MGAT4C: variants seen among roughly 807,000 people sequenced by gnomAD.
MGAT4C encodes the protein alpha-1,3-mannosyl-glycoprotein 4-beta-N-acetylglucosaminyltransferase C.
MGAT4C carries 19 observed loss-of-function variants against 40.1 expected under a neutral mutation model. That is an observed-to-expected ratio of 0.47 (90% CI 0.33 to 0.70). The LOEUF is 0.70. Ranked by LOEUF, MGAT4C falls within the 30% of genes least tolerant of loss-of-function variation. The pLI, the probability that MGAT4C is intolerant of heterozygous loss-of-function variation, is 0.02. For missense variants in MGAT4C, 491 were observed against 563.2 expected (o/e 0.87, Z 1.30); for synonymous variants, 181 against 187.1 (o/e 0.97, Z 0.27).
intron 4 of MGAT4C, among the ~76,000 whole-genome samples, chr12:86,291,158 T>C (rs955688538): frequency 6.6e-6 from 1 of 152,096 alleles, no homozygotes; most frequent in African/African-American, 2.4e-5. Context: ...TGAAACATAG[T>C]TGAGAATAAT....
chr12:86,554,183 TTTCTG>T (rs376833945), intron 2 of MGAT4C, among the ~76,000 whole-genome samples: 2 of 151,862 alleles, frequency 1.3e-5, no homozygotes, highest in African/African-American at 4.8e-5. Flanking sequence ...CTCATGTCCC[TTTCTG>T]TTAAGTATTT....
At chr12:86,232,704 G>C (rs1951375476) in intron 1 of MGAT4C, among the ~76,000 whole-genome samples, 1 of 152,200 alleles carries the variant, frequency 6.6e-6, no homozygotes, top group African/African-American at 2.4e-5. Flanking sequence ...GCCAAATAAA[G>C]AGTTGCCCTC....
intron 2 of MGAT4C, among the ~76,000 whole-genome samples, chr12:86,473,183 C>G (rs937433673): frequency 5.9e-5 from 9 of 152,256 alleles, no homozygotes; most frequent in Middle Eastern, 3.4e-3. Context: ...TCACGAACTC[C>G]TGACCTCAAG....
At position 86,406,237 on chromosome 12, in the gene MGAT4C, T is replaced by C. The variant is rs1327596888; in HGVS notation, c.-120+28920A>G. ...ACAAAAGTATGATACAAATAAAAAA[T>C]TGATAAAATGGACTTCTGCCAAATT... On this transcript the variant is annotated intron_variant, in intron 3 of 7. Coordinates refer to the MGAT4C transcript ENST00000548651. 2.6e-5 allele frequency among the ~76,000 whole-genome samples: 4 copies of C among 151,352 alleles called. 1 individual carries two copies. The highest frequency in any genetic ancestry group is 4.2e-4 in the South Asian group (2 of 4,806).
intron 1 of MGAT4C, among the ~76,000 whole-genome samples, chr12:86,056,974 T>C (rs1185477962): frequency 6.6e-6 from 1 of 152,068 alleles, no homozygotes; most frequent in Non-Finnish European, 1.5e-5. Context: ...AAAATAAACA[T>C]ACTAATATTG....
intron 1 of MGAT4C, among the ~76,000 whole-genome samples, chr12:86,124,403 G>T (rs1379965634): frequency 6.6e-6 from 1 of 152,128 alleles, no homozygotes; most frequent in Non-Finnish European, 1.5e-5. Context: ...TAACAATACT[G>T]TAAGTTAGTG....
At chr12:86,565,492 A>C (rs944525163) in intron 2 of MGAT4C, among the ~76,000 whole-genome samples, 14 of 152,226 alleles carry the variant, frequency 9.2e-5, no homozygotes, top group African/African-American at 2.9e-4. Context: ...TCAGTGGCAA[A>C]GAGAAGTCTT....
chr12:86,175,412 T>C (rs1381377273), intron 1 of MGAT4C, among the ~76,000 whole-genome samples: 1 of 152,180 alleles, frequency 6.6e-6, no homozygotes, highest in Non-Finnish European at 1.5e-5. Flanking sequence ...CAATCCTCTA[T>C]CTAAATGTAT....
intron 2 of MGAT4C, 141 bp downstream of exon 2, chr12:86,049,533 A>C (rs1892706138): frequency 4.4e-6 from 1 of 228,210 alleles, no homozygotes; most frequent in Non-Finnish European, 7.3e-6. Flanking sequence ...TTGAAGAAAT[A>C]ACATAAAACT....
chr12:86,586,095 C>T, intron 2 of MGAT4C, among the ~76,000 whole-genome samples: 1 of 105,374 alleles, frequency 9.5e-6, no homozygotes, highest in Non-Finnish European at 1.8e-5. Flanking sequence ...AGCTATCCCT[C>T]CCCCCTCCCC....
intron 2 of MGAT4C, among the ~76,000 whole-genome samples, chr12:86,695,064 T>G (rs1308617122): frequency 6.6e-6 from 1 of 152,150 alleles, no homozygotes; most frequent in Non-Finnish European, 1.5e-5. Flanking sequence ...CTCAAGCAAC[T>G]CTACAGGAAA....
intron 2 of MGAT4C, among the ~76,000 whole-genome samples, chr12:86,513,845 C>G (rs1265648805): frequency 6.6e-6 from 1 of 151,982 alleles, no homozygotes; most frequent in African/African-American, 2.4e-5. Context: ...TTGCCTTTAT[C>G]CCCTCTCTTC....
At chr12:86,627,579 G>A (rs1179783448) in intron 2 of MGAT4C, among the ~76,000 whole-genome samples, 3 of 152,196 alleles carry the variant, frequency 2.0e-5, no homozygotes, top group Non-Finnish European at 4.4e-5. Context: ...TGCAGCCTCT[G>A]CTGGTGATAC....
intron 1 of MGAT4C, among the ~76,000 whole-genome samples, chr12:86,064,120 C>T (rs1894270507): frequency 6.6e-6 from 1 of 152,356 alleles, no homozygotes; most frequent in East Asian, 1.9e-4. Flanking sequence ...CCTCATCACA[C>T]TTATCCTAAA....
At position 85,979,922 on chromosome 12, in the gene MGAT4C, A is replaced by G. The variant is rs375386863; in HGVS notation, c.804T>C (p.Asp268=). Residue 268 remains aspartate (D), a synonymous_variant, in exon 5 of 5, where the codon GAT becomes GAC. Transcript: ENST00000611864. ...GYIGKLYHSH[D]LPRLAHFLLM... is the part of the protein sequence containing the mutation. ...ATAAAAAATGGGCCAAACGTGGGAG[A>G]TCATGAGAATGATAGAGTTTACCAA... 3 of 1,613,718 alleles carry G rather than the reference A, an allele frequency of 1.9e-6. No homozygotes were observed. The highest frequency in any genetic ancestry group is 2.7e-5 in the African/African-American group (2 of 74,914).
chr12:86,155,629 G>A (rs1884840829), intron 1 of MGAT4C, among the ~76,000 whole-genome samples: 1 of 152,080 alleles, frequency 6.6e-6, no homozygotes, highest in Non-Finnish European at 1.5e-5. Context: ...GCATTTGTGT[G>A]TTTCAGAAAT....
chr12:86,683,361 A>T (rs1950016798), intron 2 of MGAT4C, among the ~76,000 whole-genome samples: 2 of 152,186 alleles, frequency 1.3e-5, no homozygotes, highest in Non-Finnish European at 2.9e-5. Flanking sequence ...ACAGATTCCA[A>T]GAAATAAGTC....
chr12:86,209,655 G>A (rs984565657), intron 1 of MGAT4C, among the ~76,000 whole-genome samples: 16 of 152,094 alleles, frequency 1.1e-4, no homozygotes, highest in Admixed American at 4.6e-4. Context: ...AAAAGATTCT[G>A]TATTTTCTAT....
chr12:86,755,297 T>C (rs1252957519), intron 1 of MGAT4C, among the ~76,000 whole-genome samples: 5 of 152,176 alleles, frequency 3.3e-5, no homozygotes, highest in African/African-American at 4.8e-5. Context: ...CCCACAACCA[T>C]ATGAGCCACC....
Sources: allele counts gnomAD v4.1 joint callset (sites outside exome capture counted in the v4.1 genomes callset), GRCh38; gene constraint gnomAD v4.1.1; transcripts MANE v1.5; gene names NCBI Gene and HGNC (gene_info 2026-07-23, HGNC 2026-07-21).